ABHD3: variants seen among roughly 807,000 people sequenced by gnomAD.
ABHD3 encodes phospholipase ABHD3.
In ABHD3, 46 loss-of-function variants were observed where a neutral mutation model predicts 48.8. The observed-to-expected ratio is 0.94, with a 90% CI of 0.74 to 1.20. The LOEUF is 1.20. Among genes scored for constraint, ABHD3 ranks in the 50% most tolerant of loss-of-function variants. ABHD3 has a pLI of 0.00. For synonymous variants in ABHD3, 192 were observed against 183.7 expected, an observed-to-expected ratio of 1.04 and a Z score of -0.36; for missense variants, 490 against 497.8, an observed-to-expected ratio of 0.98 and a Z score of 0.15.
intron 4 of ABHD3, among the ~76,000 whole-genome samples, chr18:21,674,742 C>T (rs770204283): frequency 2.0e-5 from 3 of 152,122 alleles, no homozygotes; most frequent in Non-Finnish European, 2.9e-5. Flanking sequence ...GACTTGGGTG[C>T]AACAATATGT....
intron 4 of ABHD3, among the ~76,000 whole-genome samples, chr18:21,671,489 A>C (rs558977914): frequency 6.6e-6 from 1 of 152,226 alleles, no homozygotes; most frequent in African/African-American, 2.4e-5. Flanking sequence ...TTTTAGACAA[A>C]AAACTCTGGT....
At chr18:21,701,379 A>C (rs999179536) in intron 3 of ABHD3, 1 of 152,048 alleles carries the variant, frequency 6.6e-6, no homozygotes, top group Non-Finnish European at 1.5e-5. Context: ...ATGCCCTGCT[A>C]ATTTTTGTAG....
chr18:21,664,075 T>C (rs1005433818), intron 5 of ABHD3, 43 bp downstream of exon 5: 3 of 1,574,420 alleles, frequency 1.9e-6, no homozygotes, highest in Non-Finnish European at 2.6e-6. Flanking sequence ...GCCAATAAAA[T>C]AGCTTCCCTC....
chr18:21,651,911 T>C (rs770822665), intron 8 of ABHD3, 148 bp from the exon 9 acceptor site: 31 of 688,668 alleles, frequency 4.5e-5, no homozygotes, highest in African/African-American at 2.7e-4. Context: ...GTAATGAGCA[T>C]AGTTAAATGG....
Position 21,651,660 on chromosome 18 carries a change from G to C in ABHD3, c.1161C>G (p.Ser387=), listed in dbSNP as rs1217115555. 1 of 1,613,910 alleles carries C rather than the reference G, an allele frequency of 6.2e-7. No individual in the cohort carries two copies. Among genetic ancestry groups the C allele is most frequent in the Admixed American group, 1.7e-5 (1 of 59,974 alleles). The change falls in exon 9 of 9, where the codon TCC becomes TCG. Residue 387 remains serine, a synonymous_variant. Coordinates refer to ENST00000289119, the MANE Select transcript of ABHD3 (RefSeq NM_138340.5). Reference sequence around the variant, plus strand: ...GCTTGAAGACACGATCCATGTAAGTGGACTGTCTTGGCCAGATTCCCTCCA... The same window carrying C: ...GCTTGAAGACACGATCCATGTAAGTCGACTGTCTTGGCCAGATTCCCTCCA... ...GFLEGIWPRQ[S]TYMDRVFKQF...
At position 21,659,954 on chromosome 18, in the gene ABHD3, C is replaced by T. The variant is rs535475252; in HGVS notation, c.669-611G>A. The stretch of plus-strand genomic sequence containing the variant: ...CAAAGTGCTGAGATTACAGCCGTTG[C>T]ACCCGGCCTTTTTTTTTTTTTTTTT... On this transcript the variant is annotated intron_variant, in intron 5 of 8. Coordinates refer to ENST00000289119, the MANE Select transcript of ABHD3 (RefSeq NM_138340.5). Among the ~76,000 whole-genome samples the T allele has an allele frequency of 6.9e-5, 10 of 144,020 alleles. No homozygotes were observed. The South Asian group carries it at 2.2e-3, about 31-fold the overall frequency. The allele number at this position is 144,020 out of a possible 152,430, so 94.5% of individuals were successfully genotyped here.
chr18:21,651,434 TTTTG>T lies in ABHD3; in HGVS notation c.*153_*156del, dbSNP rs2039218458. The T allele has an allele frequency of 1.4e-6, 1 of 738,676 alleles. No homozygotes were observed. Among genetic ancestry groups the T allele is most frequent in the African/African-American group, 1.8e-5 (1 of 54,948 alleles). 45.8% of individuals were successfully genotyped at this position (738,676 alleles called of 1,614,324 possible). A position where few individuals can be genotyped will look rare whatever the true frequency, so the allele number is the denominator to read the frequency against. ...TATTTAATTTGTTGCTACAAAGTTG[TTTTG>T]TTTCTCTAAAAAGTAGTTTTTGCAT... is the stretch of plus-strand genomic sequence containing the variant. On this transcript the variant is annotated 3_prime_UTR_variant, in exon 9 of 9. Transcript: ENST00000289119.
intron 4 of ABHD3, among the ~76,000 whole-genome samples, chr18:21,675,350 C>G (rs1382855236): frequency 4.0e-5 from 6 of 149,062 alleles, no homozygotes; most frequent in South Asian, 4.3e-4. Context: ...CTCACTGCAA[C>G]CTCTGCCTCC....
chr18:21,683,794 T>C (rs2040062862), intron 4 of ABHD3, 126 bp downstream of exon 4: 1 of 940,580 alleles, frequency 1.1e-6, no homozygotes, highest in Non-Finnish European at 1.5e-6. Flanking sequence ...ATCTGTATTT[T>C]TGTATAATAA....
chr18:21,653,387 G>C lies in ABHD3; in HGVS notation c.1058-1624C>G, dbSNP rs143514839. ...TGGTCTAGAACTCCTGACCTCAAGTGATTTGCCTGCCTCAGCCTCCCAAAG... is the reference window on the plus strand; with the variant it reads ...TGGTCTAGAACTCCTGACCTCAAGTCATTTGCCTGCCTCAGCCTCCCAAAG... On this transcript the variant is annotated intron_variant, in intron 8 of 8. Coordinates refer to ENST00000289119, the MANE Select transcript of ABHD3 (RefSeq NM_138340.5). 6.1e-3 allele frequency among the ~76,000 whole-genome samples: 930 copies of C among 151,284 alleles called. 9 individuals carry two copies. The highest frequency in any genetic ancestry group is 0.015 in the Admixed American group (225 of 15,176).
chr18:21,685,720 C>T (rs773425287), intron 3 of ABHD3, among the ~76,000 whole-genome samples: 12 of 151,884 alleles, frequency 7.9e-5, no homozygotes, highest in Non-Finnish European at 1.8e-4. Context: ...TTTTTTGAGA[C>T]AGAGTCTCGC....
At chr18:21,671,322 T>C (rs1598527558) in intron 4 of ABHD3, among the ~76,000 whole-genome samples, 1 of 152,224 alleles carries the variant, frequency 6.6e-6, no homozygotes, top group African/African-American at 2.4e-5. Context: ...TCTTCTTTCT[T>C]CACAGGAGCT....
intron 6 of ABHD3, among the ~76,000 whole-genome samples, chr18:21,657,714 G>A (rs1204508957): frequency 6.6e-6 from 1 of 152,014 alleles, no homozygotes; most frequent in Admixed American, 6.6e-5. Context: ...AGTAAGTCAT[G>A]TGCAAATCAA....
chr18:21,674,266 G>C (rs564583935), intron 4 of ABHD3, among the ~76,000 whole-genome samples: 1 of 148,200 alleles, frequency 6.7e-6, no homozygotes, highest in South Asian at 2.1e-4. Context: ...TTTTGAGCTA[G>C]GTTCTTGCTC....
chr18:21,652,442 G>T (rs570591404), intron 8 of ABHD3, among the ~76,000 whole-genome samples: 1 of 151,824 alleles, frequency 6.6e-6, no homozygotes, highest in South Asian at 2.1e-4. Flanking sequence ...AAAAGAGAAA[G>T]AACGAGAATG....
chr18:21,671,445 A>G (rs11659715), intron 4 of ABHD3, among the ~76,000 whole-genome samples: 23,394 of 152,096 alleles, frequency 0.15, 2,060 homozygotes, highest in Middle Eastern at 0.27. Flanking sequence ...CTTTGCAGAA[A>G]CTGTCTCCAG....
At chr18:21,659,141 G>C in intron 6 of ABHD3, 29 bp downstream of exon 6, 1 of 1,603,606 alleles carries the variant, frequency 6.2e-7, no homozygotes, top group South Asian at 1.1e-5. Flanking sequence ...GCCCGGCCCT[G>C]GAGACAACAG....
rs554409375 is a variant in ABHD3 at position 21,683,819 on chromosome 18, C to T, written c.555+101G>A. 3.3e-6 allele frequency: 4 copies of T among 1,199,952 alleles called. No individual in the cohort carries two copies. The East Asian group carries it at 1.1e-4, about 33-fold the overall frequency. The allele number at this position is 1,199,952 out of a possible 1,614,324, so 74.3% of individuals were successfully genotyped here. ...TTGTATAATAAATTTGTATTGCTTA[C>T]ATAAACAGAGTTATTTTAAATAAAA... On this transcript the variant is annotated intron_variant, in intron 4 of 8. Transcript: ENST00000289119.
chr18:21,676,548 ACC>A (rs1374773518), intron 4 of ABHD3, among the ~76,000 whole-genome samples: 2 of 152,014 alleles, frequency 1.3e-5, no homozygotes, highest in African/African-American at 2.4e-5. Context: ...GCGCCACCAC[ACC>A]CAGCTAATTT....
Sources: gnomAD v4.1 joint callset for allele counts (sites outside exome capture counted in the v4.1 genomes callset) on GRCh38, gnomAD v4.1.1 for gene constraint, MANE v1.5 for transcripts, NCBI Gene and HGNC (gene_info 2026-07-23, HGNC 2026-07-21) for gene names.